Variants in PYGB observed in about 807,000 individuals in gnomAD.
PYGB encodes the protein glycogen phosphorylase B.
A neutral mutation model predicts 94.3 loss-of-function variants in PYGB; 82 were observed. The observed-to-expected ratio is 0.87, with a 90% CI of 0.73 to 1.04. The LOEUF (loss-of-function observed/expected upper bound fraction) is 1.04, where lower values mean the gene tolerates loss of function less well. Ranked by LOEUF, PYGB falls within the 50% of genes least tolerant of loss-of-function variation. The pLI, the probability that PYGB is intolerant of heterozygous loss-of-function variation, is 0.00. For synonymous variants in PYGB, 488 were observed against 479.1 expected, an observed-to-expected ratio of 1.02 and a Z score of -0.24; for missense variants, 1,132 against 1,158.2, an observed-to-expected ratio of 0.98 and a Z score of 0.33.
chr20:25,271,439 C>T lies in PYGB; in HGVS notation c.481C>T (p.Arg161Cys), dbSNP rs200566506. The T allele has an allele frequency of 1.1e-5, 17 of 1,614,018 alleles. No homozygotes were observed. The highest frequency in any genetic ancestry group is 4.5e-5 in the East Asian group (2 of 44,888). Residue 161 changes from arginine (R) to cysteine (C), a missense_variant, in exon 4 of 20, where the codon CGC (arginine) becomes TGC (cysteine). Transcript: ENST00000216962. ...LGLAAYGYGI[R>C]YEFGIFNQKI... Reference sequence around the variant, plus strand: ...CCTGGCAGCATACGGCTATGGAATCCGCTATGAATTTGGGATTTTTAACCA... The same window carrying T: ...CCTGGCAGCATACGGCTATGGAATCTGCTATGAATTTGGGATTTTTAACCA...
intron 2 of PYGB, among the ~76,000 whole-genome samples, chr20:25,264,002 C>T (rs1447984260): frequency 6.6e-6 from 1 of 151,838 alleles, no homozygotes; most frequent in Non-Finnish European, 1.5e-5. Context: ...ACCAATATCC[C>T]TGATGAACAT....
rs2088567273 is a variant in PYGB, at chr20:25,297,520, G to C, written c.*998G>C. The C allele has an allele frequency of 6.6e-6, 1 of 152,330 alleles. No homozygotes were observed. Among genetic ancestry groups the C allele is most frequent in the Non-Finnish European group, 1.5e-5 (1 of 68,132 alleles). The allele number at this position is 152,330 out of a possible 1,614,324, so 9.4% of individuals were successfully genotyped here. A position where few individuals can be genotyped will look rare whatever the true frequency, so the allele number is the denominator to read the frequency against. On this transcript the variant is annotated 3_prime_UTR_variant, in exon 20 of 20. Coordinates refer to ENST00000216962, the MANE Select transcript of PYGB (RefSeq NM_002862.4). ...TCCACCAGTGCCACAGCCTCGTCTG[G>C]AAAAAGGACCAGGGGTCCCGGAGGA...
At position 25,259,240 on chromosome 20, in the gene PYGB, A is replaced by G. The variant is rs1278616856; in HGVS notation, c.247A>G (p.Ile83Val). 1 of 1,593,792 alleles carries G rather than the reference A, an allele frequency of 6.3e-7. No homozygotes were observed. The highest frequency in any genetic ancestry group is 1.7e-5 in the Admixed American group (1 of 59,968). The change falls in exon 2 of 20, where the codon ATT (isoleucine) becomes GTT (valine). Residue 83 changes from isoleucine (I) to valine (V), a missense_variant. Coordinates refer to ENST00000216962, the MANE Select transcript of PYGB (RefSeq NM_002862.4). Reference protein sequence around the residue: ...QHYYERDPKRIYYLSLEFYMG... With the variant: ...QHYYERDPKRVYYLSLEFYMG... ...ATTCTTTCTTCTGCTTCCTCAGCGC[A>G]TTTATTATCTTTCCCTGGAATTCTA...
Position 25,282,091 on chromosome 20 carries a change from A to AC in PYGB, c.1468dup (p.Arg490ProfsTer26), listed in dbSNP as rs774857667. ...GTTCCAGAATAAGACCAATGGCATC[A>AC]CCCCCCGCCGGTGGCTGCTGCTGTG... On this transcript the variant is annotated frameshift_variant, in exon 12 of 20. Coordinates refer to ENST00000216962, the MANE Select transcript of PYGB (RefSeq NM_002862.4). LOFTEE classifies it high-confidence loss of function. 8 of 1,572,706 alleles carry AC rather than the reference A, an allele frequency of 5.1e-6. No homozygotes were observed. Among genetic ancestry groups the AC allele is most frequent in the Non-Finnish European group, 3.4e-6 (4 of 1,162,110 alleles).
chr20:25,271,157 T>TC (rs199710380), intron 3 of PYGB, among the ~76,000 whole-genome samples: 23 of 151,200 alleles, frequency 1.5e-4, no homozygotes, highest in East Asian at 3.9e-4. Context: ...GGATTCTTCA[T>TC]CCCCCCCCAT....
intron 3 of PYGB, among the ~76,000 whole-genome samples, chr20:25,270,194 TTGTTTTG>T (rs1321568986): frequency 3.3e-5 from 4 of 120,960 alleles, no homozygotes; most frequent in African/African-American, 1.7e-4. Flanking sequence ...GAAGTTTTTT[TTGTTTTG>T]TTTTGTTTTT....
chr20:25,250,564 T>C (rs1489999789), intron 1 of PYGB, among the ~76,000 whole-genome samples: 2 of 152,226 alleles, frequency 1.3e-5, no homozygotes, highest in Non-Finnish European at 2.9e-5. Flanking sequence ...TTTCGCTAAT[T>C]CATGATGAAA....
rs1010210245 is a variant in PYGB at position 25,276,758 on chromosome 20, G to C, written c.772+1G>C. On this transcript the variant is annotated splice_donor_variant, in intron 6 of 19. Transcript: ENST00000216962. LOFTEE classifies it high-confidence loss of function. ...CCCAACGACTTCAAGCTGCAGGACT[G>C]TACGTTCCGTGGTTCTTGGCACCCT... The C allele has an allele frequency of 6.2e-7, 1 of 1,612,958 alleles. No individual in the cohort carries two copies. Among genetic ancestry groups the C allele is most frequent in the Non-Finnish European group, 8.5e-7 (1 of 1,179,050 alleles).
intron 2 of PYGB, among the ~76,000 whole-genome samples, chr20:25,265,060 T>C (rs2088205119): frequency 6.6e-6 from 1 of 152,226 alleles, no homozygotes; most frequent in Non-Finnish European, 1.5e-5. Context: ...AACAGCATGG[T>C]ACTGGTACCA....
intron 2 of PYGB, among the ~76,000 whole-genome samples, chr20:25,268,758 ATTGT>A (rs1264102764): frequency 2.6e-5 from 4 of 152,236 alleles, no homozygotes; most frequent in Admixed American, 1.3e-4. Context: ...GTTTCACAAC[ATTGT>A]TTGAATACAA....
chr20:25,292,313 CG>C lies in PYGB; in HGVS notation c.1970-90del. 3 of 1,447,870 alleles carry C rather than the reference CG, an allele frequency of 2.1e-6. 1 individual carries two copies. The highest frequency in any genetic ancestry group is 4.8e-4 in the Middle Eastern group (2 of 4,202). 89.7% of individuals were successfully genotyped at this position (1,447,870 alleles called of 1,614,324 possible). Reference sequence around the variant, plus strand: ...CATTGGTCCCTCCACGACCCAGCCCCGGGTGGATGGGCCGGCTTGTCCTGCA... The same window carrying C: ...CATTGGTCCCTCCACGACCCAGCCCCGGTGGATGGGCCGGCTTGTCCTGCA... On this transcript the variant is annotated intron_variant, in intron 16 of 19. Coordinates refer to ENST00000216962, the MANE Select transcript of PYGB (RefSeq NM_002862.4).
chr20:25,268,885 A>G (rs530693259), intron 2 of PYGB, among the ~76,000 whole-genome samples: 9 of 152,254 alleles, frequency 5.9e-5, no homozygotes, highest in Non-Finnish European at 1.2e-4. Context: ...TTTTTAGGAT[A>G]CATGTTATAA....
chr20:25,281,342 G>C (rs2088365524), intron 11 of PYGB, among the ~76,000 whole-genome samples: 1 of 152,234 alleles, frequency 6.6e-6, no homozygotes, highest in Admixed American at 6.5e-5. Flanking sequence ...GGCTCTGCGG[G>C]CAACGGGGAG....
intron 9 of PYGB, 76 bp downstream of exon 9, chr20:25,279,225 T>TG (rs2088343526): frequency 4.8e-6 from 7 of 1,455,350 alleles, no homozygotes; most frequent in Admixed American, 3.8e-5. Flanking sequence ...GGAGCTGAGC[T>TG]GGGGGGCCTC....
In PYGB at chr20:25,296,615, G is replaced by C; in HGVS notation, c.*93G>C. 1 of 1,465,110 alleles carries C rather than the reference G, an allele frequency of 6.8e-7. No individual in the cohort carries two copies. Among genetic ancestry groups the C allele is most frequent in the South Asian group, 1.3e-5 (1 of 76,052 alleles). 90.8% of individuals were successfully genotyped at this position (1,465,110 alleles called of 1,614,324 possible). A position where few individuals can be genotyped will look rare whatever the true frequency, so the allele number is the denominator to read the frequency against. ...CCAAACACTTTGCCAGCCACTGGTGGTCCCTGCTTTTCTGAGTACCATGTT... is the reference window on the plus strand; with the variant it reads ...CCAAACACTTTGCCAGCCACTGGTGCTCCCTGCTTTTCTGAGTACCATGTT... On this transcript the variant is annotated 3_prime_UTR_variant, in exon 20 of 20. Coordinates refer to ENST00000216962, the MANE Select transcript of PYGB (RefSeq NM_002862.4).
rs534903662 is a variant in PYGB, at chr20:25,252,206, A to G, written c.243+3785A>G. The stretch of plus-strand genomic sequence containing the variant: ...GCTGACAGCTAGCCACTTGGAAGGT[A>G]GGCCTCAGCTGTCATTTTAGCAGAT... On this transcript the variant is annotated intron_variant, in intron 1 of 19. Coordinates refer to ENST00000216962, the MANE Select transcript of PYGB (RefSeq NM_002862.4). Among the ~76,000 whole-genome samples, 3 of 152,364 alleles carry G rather than the reference A, an allele frequency of 2.0e-5. No individual in the cohort carries two copies. The South Asian group carries it at 6.2e-4, about 32-fold the overall frequency.
At chr20:25,271,586 C>G in intron 4 of PYGB, 100 bp downstream of exon 4, 8 of 1,271,480 alleles carry the variant, frequency 6.3e-6, no homozygotes, top group Non-Finnish European at 9.1e-6. Flanking sequence ...ACGCCCCCGC[C>G]AGGGGACTGC....
rs113565967 is a variant in PYGB at position 25,257,381 on chromosome 20, G to A, written c.244-1856G>A. Among the ~76,000 whole-genome samples the A allele has an allele frequency of 2.1e-3, 317 of 152,334 alleles. 1 individual carries two copies. Among genetic ancestry groups the A allele is most frequent in the African/African-American group, 7.4e-3 (309 of 41,572 alleles). Reference sequence around the variant, plus strand: ...GGACAATTGGAGACGCACAGGCTTCGAGTCTAGGCCCAGCACTTCCCGTGT... The same window carrying A: ...GGACAATTGGAGACGCACAGGCTTCAAGTCTAGGCCCAGCACTTCCCGTGT... On this transcript the variant is annotated intron_variant, in intron 1 of 19. Coordinates refer to ENST00000216962, the MANE Select transcript of PYGB (RefSeq NM_002862.4).
In PYGB at chr20:25,296,393, G is replaced by A. The variant is rs771588232; in HGVS notation, c.2403G>A (p.Lys801=). The change falls in exon 20 of 20, where the codon AAG becomes AAA. Residue 801 remains lysine, a synonymous_variant. Transcript: ENST00000216962. ...AGAACCCCAAGGAGTGGACCAAGAA[G>A]GTCATCAGGAACATCGCCTGCTCGG... ...LYRNPKEWTK[K]VIRNIACSGK... 6.2e-7 allele frequency: 1 copy of A among 1,614,078 alleles called. No individual in the cohort carries two copies. The highest frequency in any genetic ancestry group is 8.5e-7 in the Non-Finnish European group (1 of 1,180,032).
Sources: gnomAD v4.1 joint callset for allele counts (sites outside exome capture counted in the v4.1 genomes callset) on GRCh38, gnomAD v4.1.1 for gene constraint, MANE v1.5 for transcripts, NCBI Gene and HGNC (gene_info 2026-07-23, HGNC 2026-07-21) for gene names.